The following VPS13B variants were observed in gnomAD, a reference collection of about 807,000 sequenced individuals.
VPS13B encodes vacuolar protein sorting 13 homolog B, also known as intermembrane lipid transfer protein VPS13B.
In VPS13B, 285 loss-of-function variants were observed where a neutral mutation model predicts 426.4. The observed-to-expected ratio is 0.67, with a 90% CI of 0.61 to 0.74. The LOEUF is 0.74. Among genes scored for constraint, VPS13B ranks in the 30% least tolerant of loss-of-function variants. VPS13B has a pLI of 0.00. For missense variants in VPS13B, 4,537 were observed against 4,782.6 expected, an observed-to-expected ratio of 0.95 and a Z score of 1.51; for synonymous variants, 1,676 against 1,676.4, an observed-to-expected ratio of 1.00 and a Z score of 0.01.
intron 57 of VPS13B, among the ~76,000 whole-genome samples, chr8:99,860,472 TA>T (rs1469586781): frequency 1.3e-5 from 2 of 152,242 alleles, no homozygotes; most frequent in Non-Finnish European, 2.9e-5. Flanking sequence ...TATGTTAAAA[TA>T]AGACAACTAA....
intron 21 of VPS13B, among the ~76,000 whole-genome samples, chr8:99,420,742 A>G (rs1816322804): frequency 2.6e-5 from 4 of 152,152 alleles, no homozygotes; most frequent in Non-Finnish European, 5.9e-5. Context: ...ACCATGAAGA[A>G]TGTTACGTTA....
At chr8:99,594,475 G>C (rs1826888700) in intron 33 of VPS13B, among the ~76,000 whole-genome samples, 1 of 152,070 alleles carries the variant, frequency 6.6e-6, no homozygotes, top group Admixed American at 6.6e-5. Flanking sequence ...ATCTCATCTA[G>C]AGATCGTTAA....
At chr8:99,739,575 G>T (rs1194594151) in intron 39 of VPS13B, among the ~76,000 whole-genome samples, 1 of 152,200 alleles carries the variant, frequency 6.6e-6, no homozygotes, top group Non-Finnish European at 1.5e-5. Flanking sequence ...GCACCCCCAA[G>T]TGGGGCAGAC....
intron 3 of VPS13B, among the ~76,000 whole-genome samples, chr8:99,053,495 G>C (rs1420338027): frequency 6.6e-6 from 1 of 151,988 alleles, no homozygotes; most frequent in Non-Finnish European, 1.5e-5. Context: ...TGGCTGCATG[G>C]AATACTATGC....
At chr8:99,771,624 T>A (rs1811494367) in intron 40 of VPS13B, among the ~76,000 whole-genome samples, 1 of 152,204 alleles carries the variant, frequency 6.6e-6, no homozygotes, top group Non-Finnish European at 1.5e-5. Context: ...ATATAGACAG[T>A]GGAGGAATCA....
intron 19 of VPS13B, among the ~76,000 whole-genome samples, chr8:99,334,325 T>G (rs1810702023): frequency 6.6e-6 from 1 of 152,004 alleles, no homozygotes; most frequent in African/African-American, 2.4e-5. Flanking sequence ...CTAATAATAA[T>G]AATCTTTTCA....
chr8:99,772,127 T>G (rs1811528103), intron 40 of VPS13B, among the ~76,000 whole-genome samples: 1 of 152,144 alleles, frequency 6.6e-6, no homozygotes, highest in Non-Finnish European at 1.5e-5. Flanking sequence ...TGCTCAGGTC[T>G]CAGAGTTCTT....
chr8:99,247,780 A>AT (rs1169721387), intron 17 of VPS13B, among the ~76,000 whole-genome samples: 4 of 151,834 alleles, frequency 2.6e-5, no homozygotes, highest in East Asian at 1.9e-4. Flanking sequence ...ACTATCTTAA[A>AT]TTTTTTTTTC....
intron 23 of VPS13B, among the ~76,000 whole-genome samples, chr8:99,460,996 G>A (rs1437598996): frequency 6.6e-6 from 1 of 152,158 alleles, no homozygotes; most frequent in African/African-American, 2.4e-5. Flanking sequence ...TTCAATCCCA[G>A]AGTGCTGAAA....
chr8:99,173,527 G>C (rs967495799), intron 16 of VPS13B, among the ~76,000 whole-genome samples: 1 of 152,160 alleles, frequency 6.6e-6, no homozygotes, highest in African/African-American at 2.4e-5. Context: ...CTATACTTGA[G>C]TGTTTTTAAT....
intron 43 of VPS13B, among the ~76,000 whole-genome samples, chr8:99,801,724 A>G (rs1275580012): frequency 6.6e-6 from 1 of 152,208 alleles, no homozygotes; most frequent in Non-Finnish European, 1.5e-5. Flanking sequence ...CTTACTGAAT[A>G]TCTGTTTATC....
chr8:99,805,341 A>G (rs1029398943), intron 43 of VPS13B, among the ~76,000 whole-genome samples: 7 of 152,118 alleles, frequency 4.6e-5, no homozygotes, highest in Non-Finnish European at 8.8e-5. Context: ...GAATAGTGAA[A>G]TATGTAACTT....
At chr8:99,541,870 A>G (rs557654437) in intron 30 of VPS13B, among the ~76,000 whole-genome samples, 1 of 152,310 alleles carries the variant, frequency 6.6e-6, no homozygotes, top group East Asian at 1.9e-4. Context: ...CAGTAATAAT[A>G]TATAATATGT....
intron 3 of VPS13B, among the ~76,000 whole-genome samples, chr8:99,080,550 G>T (rs1024833214): frequency 6.6e-6 from 1 of 152,000 alleles, no homozygotes; most frequent in African/African-American, 2.4e-5. Flanking sequence ...TATATATCAC[G>T]ATCTGTTTCT....
chr8:99,391,533 G>C lies in VPS13B; in HGVS notation c.2935-24G>C, dbSNP rs748309164. The C allele has an allele frequency of 1.4e-5, 23 of 1,613,862 alleles. No individual in the cohort carries two copies. In the African/African-American group the frequency reaches 2.9e-4, roughly 21 times the overall value. On this transcript the variant is annotated intron_variant, in intron 20 of 61. Transcript: ENST00000357162. ...ATAGTGAAAAACTAAAAACTAAAAA[G>C]GTTTTCATTTTGTCTCTTTCCAGCA...
intron 33 of VPS13B, among the ~76,000 whole-genome samples, chr8:99,615,896 C>A (rs557678122): frequency 6.6e-6 from 1 of 151,576 alleles, no homozygotes; most frequent in Non-Finnish European, 1.5e-5. Context: ...TTTTTTTATG[C>A]GATGCTAGTA....
chr8:99,154,424 T>A (rs536477801), intron 14 of VPS13B, among the ~76,000 whole-genome samples: 37 of 152,274 alleles, frequency 2.4e-4, no homozygotes, highest in Admixed American at 1.4e-3. Context: ...ACTTCAAGCT[T>A]AGAGATTCTT....
Position 99,142,990 on chromosome 8 carries a change from A to T in VPS13B, c.1668A>T (p.Gln556His), listed in dbSNP as rs756072319. 4.3e-6 allele frequency: 7 copies of T among 1,613,480 alleles called. No homozygotes were observed. Among genetic ancestry groups the T allele is most frequent in the Non-Finnish European group, 5.9e-6 (7 of 1,179,832 alleles). ...TTCTTTTAGGTTCCACAAATCAACA[A>T]GACTTTTCTTCAGGGAAAAGTGAAG... is the stretch of plus-strand genomic sequence containing the variant. ...NTSGKGSTNQ[Q>H]DFSSGKSEDL... is the part of the protein sequence containing the mutation. Residue 556 changes from glutamine (Q) to histidine (H), a missense_variant, in exon 13 of 62, where the codon CAA (glutamine) becomes CAT (histidine). By Grantham distance (24) the Gln-to-His change is conservative. Around this residue, in one of 2 missense-constraint regions of VPS13B, gnomAD observed 4,311 missense variants for 4,474.3 expected, o/e 0.96. Transcript: ENST00000357162.
chr8:99,616,811 C>T (rs190452158), intron 33 of VPS13B, among the ~76,000 whole-genome samples: 13 of 152,148 alleles, frequency 8.5e-5, no homozygotes, highest in Non-Finnish European at 1.8e-4. Flanking sequence ...AATAAATACA[C>T]CAGATATAAA....
Sources: gnomAD v4.1 joint callset for allele counts (sites outside exome capture counted in the v4.1 genomes callset) on GRCh38, gnomAD v4.1.1 for gene constraint, gnomAD v4.1.1 regional missense constraint, MANE v1.5 for transcripts, NCBI Gene and HGNC (gene_info 2026-07-23, HGNC 2026-07-21) for gene names.